MCF2L: variants seen among roughly 807,000 people sequenced by gnomAD.
MCF2L encodes MCF.2 cell line derived transforming sequence like, also known as guanine nucleotide exchange factor DBS.
Under a neutral mutation model 153.4 loss-of-function variants are expected in MCF2L, and 97 were observed. That is an observed-to-expected ratio of 0.63 (90% CI 0.54 to 0.75). The LOEUF is 0.75. Among genes scored for constraint, MCF2L ranks in the 30% least tolerant of loss-of-function variants. The probability of loss-of-function intolerance (pLI) is 0.00; values close to 1 mark genes in which losing one functional copy is unlikely to be tolerated. For synonymous variants in MCF2L, 659 were observed against 632.2 expected (o/e 1.04, Z -0.64); for missense variants, 1,347 against 1,495.2 (o/e 0.90, Z 1.64).
intron 1 of MCF2L, among the ~76,000 whole-genome samples, chr13:112,896,014 G>T (rs1175006094): frequency 2.0e-5 from 3 of 152,244 alleles, no homozygotes; most frequent in Non-Finnish European, 4.4e-5. Flanking sequence ...TGAAACCTGA[G>T]ATTGTGGGAA....
intron 11 of MCF2L, 150 bp from the exon 12 acceptor site, chr13:113,075,816 C>T (rs1213608625): frequency 1.8e-6 from 1 of 564,466 alleles, no homozygotes; most frequent in East Asian, 3.0e-5. Context: ...CACTGTGTCC[C>T]CTTGGGGTGC....
chr13:113,012,533 C>T (rs565977264), intron 1 of MCF2L, among the ~76,000 whole-genome samples: 2 of 109,662 alleles, frequency 1.8e-5, no homozygotes, highest in African/African-American at 6.5e-5. Flanking sequence ...GCAATGAGGA[C>T]GGTGGACACT....
intron 7 of MCF2L, 197 bp downstream of exon 7, chr13:113,065,282 G>T: frequency 3.3e-6 from 2 of 612,088 alleles, no homozygotes; most frequent in Non-Finnish European, 5.7e-6. Context: ...GACGAGAACG[G>T]AATAAAAGGA....
chr13:112,968,859 G>T, upstream of MCF2L: 2 of 1,035,174 alleles, frequency 1.9e-6, no homozygotes, highest in Non-Finnish European at 2.6e-6. Flanking sequence ...TGCGGCACCC[G>T]CGGGGCTCCC....
chr13:113,020,145 A>G (rs1594691019), intron 2 of MCF2L, among the ~76,000 whole-genome samples: 1 of 152,152 alleles, frequency 6.6e-6, no homozygotes, highest in African/African-American at 2.4e-5. Context: ...GTTTTTATTT[A>G]GTTCTTATTT....
chr13:112,921,491 C>T (rs181227862), intron 2 of MCF2L, among the ~76,000 whole-genome samples: 2 of 152,174 alleles, frequency 1.3e-5, no homozygotes, highest in African/African-American at 4.8e-5. Context: ...AGGAACCAAA[C>T]GACCTCCCAC....
chr13:112,915,572 C>T (rs2081283682), intron 2 of MCF2L, among the ~76,000 whole-genome samples: 1 of 152,040 alleles, frequency 6.6e-6, no homozygotes, highest in Admixed American at 6.6e-5. Context: ...ATTACTAGGG[C>T]TGGTGGTCTC....
chr13:112,968,507 C>A, upstream of MCF2L: 1 of 1,580,248 alleles, frequency 6.3e-7, no homozygotes, highest in East Asian at 2.3e-5. Flanking sequence ...GCGCGCTTCC[C>A]TCACTGGGTC....
At chr13:112,998,382 C>G (rs1342569216) in intron 1 of MCF2L, among the ~76,000 whole-genome samples, 1 of 152,152 alleles carries the variant, frequency 6.6e-6, no homozygotes, top group African/African-American at 2.4e-5. Flanking sequence ...CCGTGAGCCA[C>G]AGGCCTGGCC....
rs576324117 is a variant in MCF2L, at chr13:113,028,496, G to A, written c.278+3738G>A. On this transcript the variant is annotated intron_variant, in intron 3 of 29. Coordinates refer to ENST00000535094, the MANE Select transcript of MCF2L (RefSeq NM_001112732.3). This position sits in a 1 kb window ranked among gnomAD's most constrained non-coding sequence, Gnocchi z 5.4. ...CCACTCAGCCACCTCTGTAGATTGC[G>A]CATCTGTGAGTCGCACAGCCTGGTC... Among the ~76,000 whole-genome samples, 1 of 152,182 alleles carries A rather than the reference G, an allele frequency of 6.6e-6. No individual in the cohort carries two copies. The highest frequency in any genetic ancestry group is 2.1e-4 in the South Asian group (1 of 4,830).
At position 113,052,341 on chromosome 13, in the gene MCF2L, T is replaced by C. The variant is rs530409074; in HGVS notation, c.369+6980T>C. Among the ~76,000 whole-genome samples the C allele has an allele frequency of 1.2e-3, 178 of 152,244 alleles. 1 individual carries two copies. The highest frequency in any genetic ancestry group is 2.3e-3 in the Non-Finnish European group (154 of 68,014). ...GGACCAGGTGCCTCATGAGGCTCCG[T>C]GTGGGCCGTGGACCCTGCAGGCCAC... On this transcript the variant is annotated intron_variant, in intron 4 of 29. Transcript: ENST00000535094.
In MCF2L at chr13:112,960,528, G is replaced by T. The variant is rs540367384; in HGVS notation, c.170-54235G>T. On this transcript the variant is annotated intron_variant, in intron 2 of 29. Coordinates refer to the MCF2L transcript ENST00000375608. This position sits in a 1 kb window ranked among gnomAD's most constrained non-coding sequence, Gnocchi z 4.2. ...GATGCTGGAGTTTCTCTCCAAGGGG[G>T]CGGGATAGGCTGTCATTCTGGGGAA... is the stretch of plus-strand genomic sequence containing the variant. Among the ~76,000 whole-genome samples the T allele has an allele frequency of 3.9e-5, 6 of 152,232 alleles. No homozygotes were observed. Among genetic ancestry groups the T allele is most frequent in the African/African-American group, 1.4e-4 (6 of 41,542 alleles).
At position 113,035,855 on chromosome 13, in the gene MCF2L, G is replaced by T. The variant is rs915154324; in HGVS notation, c.279-9416G>T. Among the ~76,000 whole-genome samples the T allele has an allele frequency of 6.6e-6, 1 of 152,192 alleles. No individual in the cohort carries two copies. Among genetic ancestry groups the T allele is most frequent in the African/African-American group, 2.4e-5 (1 of 41,438 alleles). ...CTTCTGCGTTCCTCAGTTTCTGCAC[G>T]TTTAAAATGGCAGAGGCCCCTTTGG... is the stretch of plus-strand genomic sequence containing the variant. On this transcript the variant is annotated intron_variant, in intron 3 of 29. Coordinates refer to ENST00000535094, the MANE Select transcript of MCF2L (RefSeq NM_001112732.3). The surrounding 1 kb of genome is among the most constrained non-coding windows in gnomAD (Gnocchi z 4.4).
chr13:113,054,979 A>G lies in MCF2L; in HGVS notation c.370-5614A>G, dbSNP rs1205855931. On this transcript the variant is annotated intron_variant, in intron 4 of 29. Transcript: ENST00000535094. The surrounding 1 kb of genome is among the most constrained non-coding windows in gnomAD (Gnocchi z 5.2). ...CTTTACTGTTGAGTAATTTACAAAA[A>G]GACTTGACAGCCTCCATCCCAAATT... The G allele has an allele frequency of 6.6e-6, 1 of 152,244 alleles. No individual in the cohort carries two copies. Among genetic ancestry groups the G allele is most frequent in the Non-Finnish European group, 1.5e-5 (1 of 68,048 alleles). 9.4% of individuals were successfully genotyped at this position (152,244 alleles called of 1,614,324 possible).
chr13:112,988,412 G>A (rs927675617), intron 1 of MCF2L, among the ~76,000 whole-genome samples: 10 of 152,198 alleles, frequency 6.6e-5, no homozygotes, highest in African/African-American at 2.2e-4. Flanking sequence ...CTTTCCCTGC[G>A]GAGCTGGTGC....
At chr13:112,925,529 C>CA (rs2081392974) in intron 2 of MCF2L, among the ~76,000 whole-genome samples, 1 of 152,200 alleles carries the variant, frequency 6.6e-6, no homozygotes, top group African/African-American at 2.4e-5. Flanking sequence ...TCATACCCCA[C>CA]AAAGCTACAC....
At chr13:113,084,819 G>T (rs944708236) in intron 18 of MCF2L, 73 bp from the exon 19 acceptor site, 1 of 1,142,490 alleles carries the variant, frequency 8.8e-7, no homozygotes, top group Admixed American at 1.7e-5. Flanking sequence ...CGCGTAATGC[G>T]GTGCCCGTCC....
At chr13:113,075,744 C>T (rs2033401842) in intron 11 of MCF2L, among the ~76,000 whole-genome samples, 1 of 90,412 alleles carries the variant, frequency 1.1e-5, no homozygotes, top group Non-Finnish European at 2.6e-5. Context: ...TTGTCCAGCA[C>T]TGTGTCCCCT....
rs1372446986 is a variant in MCF2L, at chr13:113,031,623, C to T, written c.278+6865C>T. 6.6e-6 allele frequency among the ~76,000 whole-genome samples: 1 copy of T among 151,716 alleles called. No homozygotes were observed. The highest frequency in any genetic ancestry group is 1.5e-5 in the Non-Finnish European group (1 of 67,956). ...AGGAGCTGGGAGATGGGGAGGAGGGCGGCGGCCCTCAGAGAAGGGACGAGG... is the reference window on the plus strand; with the variant it reads ...AGGAGCTGGGAGATGGGGAGGAGGGTGGCGGCCCTCAGAGAAGGGACGAGG... On this transcript the variant is annotated intron_variant, in intron 3 of 29. Coordinates refer to ENST00000535094, the MANE Select transcript of MCF2L (RefSeq NM_001112732.3). This position sits in a 1 kb window ranked among gnomAD's most constrained non-coding sequence, Gnocchi z 5.5.
Sources: gnomAD v4.1 joint callset for allele counts (sites outside exome capture counted in the v4.1 genomes callset) on GRCh38, gnomAD v4.1.1 for gene constraint, Gnocchi (gnomAD v3.1) non-coding constraint, MANE v1.5 for transcripts, NCBI Gene and HGNC (gene_info 2026-07-23, HGNC 2026-07-21) for gene names.